The following RNF207 variants were observed in gnomAD, a reference collection of about 807,000 sequenced individuals.
RNF207 encodes the protein ring finger protein 207.
RNF207 carries 72 observed loss-of-function variants against 79.0 expected under a neutral mutation model. The ratio of observed to expected loss-of-function variants is 0.91; its 90% CI spans 0.75 to 1.11. RNF207 has a LOEUF of 1.11. Among genes scored for constraint, RNF207 ranks in the 50% least tolerant of loss-of-function variants. The probability of loss-of-function intolerance (pLI) is 0.00; values close to 1 mark genes in which losing one functional copy is unlikely to be tolerated. For missense variants in RNF207, 936 were observed against 855.8 expected (o/e 1.09, Z -1.17); for synonymous variants, 348 against 366.2 (o/e 0.95, Z 0.57).
In RNF207 at chr1:6,218,280, C is replaced by G. The variant is rs200057141; in HGVS notation, c.1653-9C>G. ...TCCCTTGAGATTCTGGTGCCCACTC[C>G]CTTGCCAGGTTTCAGGCACCCGTGG... is the stretch of plus-strand genomic sequence containing the variant. On this transcript the variant is annotated splice_polypyrimidine_tract_variant and intron_variant, in intron 16 of 17. Coordinates refer to ENST00000377939, the MANE Select transcript of RNF207 (RefSeq NM_207396.3). The G allele has an allele frequency of 1.2e-6, 2 of 1,610,822 alleles. No individual in the cohort carries two copies. The highest frequency in any genetic ancestry group is 1.3e-5 in the African/African-American group (1 of 74,988).
Position 6,212,428 on chromosome 1 carries a change from A to G in RNF207, c.1482+12A>G, listed in dbSNP as rs1668214710. 1 of 1,598,916 alleles carries G rather than the reference A, an allele frequency of 6.3e-7. No individual in the cohort carries two copies. The highest frequency in any genetic ancestry group is 1.3e-5 in the African/African-American group (1 of 74,588). Reference sequence around the variant, plus strand: ...TCGTCTTCCAGGAGGTAGCCCTCCCAAGGACTCTAACTCCAGCCCCACCTG... The same window carrying G: ...TCGTCTTCCAGGAGGTAGCCCTCCCGAGGACTCTAACTCCAGCCCCACCTG... On this transcript the variant is annotated intron_variant, in intron 14 of 17. Transcript: ENST00000377939.
rs1571207351 is a variant in RNF207 at position 6,212,036 on chromosome 1, T to C, written c.1279T>C (p.Tyr427His). The change falls in exon 13 of 18, where the codon TAT becomes CAT. Residue 427 changes from tyrosine to histidine, a missense_variant. Physicochemically the swap from Tyr to His is moderately conservative, Grantham distance 83 (BLOSUM62 2). Coordinates refer to ENST00000377939, the MANE Select transcript of RNF207 (RefSeq NM_207396.3). ...GCCCTTCGCAGAGCACTGCCGCCAC[T>C]ATGAGGACTCCTACCGGGTGAGGGG... Reference protein sequence around the residue: ...NTPFAEHCRHYEDSYRHLQAE... With the variant: ...NTPFAEHCRHHEDSYRHLQAE... The C allele has an allele frequency of 6.9e-6, 11 of 1,601,832 alleles. 1 individual carries two copies. Among genetic ancestry groups the C allele is most frequent in the Non-Finnish European group, 9.4e-6 (11 of 1,174,828 alleles).
At position 6,209,150 on chromosome 1, in the gene RNF207, G is replaced by T. The variant is rs1557584758; in HGVS notation, c.505G>T (p.Asp169Tyr). The part of the protein sequence containing the change: ...HAEPYLLFST[D>Y]KKLLLCIRCF... Reference sequence around the variant, plus strand: ...AGAGCCCTACCTCTTGTTCTCCACCGACAAGAAGTTGCTGTTGTGCATCCG... The same window carrying T: ...AGAGCCCTACCTCTTGTTCTCCACCTACAAGAAGTTGCTGTTGTGCATCCG... Residue 169 changes from aspartate to tyrosine, a missense_variant, in exon 5 of 18, where the codon GAC (aspartate) becomes TAC (tyrosine). Coordinates refer to ENST00000377939, the MANE Select transcript of RNF207 (RefSeq NM_207396.3). The T allele has an allele frequency of 1.3e-6, 2 of 1,558,206 alleles. No individual in the cohort carries two copies. Among genetic ancestry groups the T allele is most frequent in the East Asian group, 2.4e-5 (1 of 41,896 alleles).
chr1:6,212,811 C>T (rs994972309), intron 15 of RNF207, 78 bp downstream of exon 15: 16 of 1,217,254 alleles, frequency 1.3e-5, no homozygotes, highest in East Asian at 4.7e-5. Flanking sequence ...AAGTCAGAGT[C>T]GGCCACTAAC....
rs1441128099 is a variant in RNF207, at chr1:6,207,888, G to A, written c.324+377G>A. 5.0e-6 allele frequency: 2 copies of A among 402,004 alleles called. No individual in the cohort carries two copies. Among genetic ancestry groups the A allele is most frequent in the East Asian group, 6.3e-5 (1 of 15,936 alleles). The allele number at this position is 402,004 out of a possible 1,614,324, so 24.9% of individuals were successfully genotyped here. A position where few individuals can be genotyped will look rare whatever the true frequency, so the allele number is the denominator to read the frequency against. ...ATAGAAGCAGCTACAGCCCAGGGGA[G>A]GTGGGGACAGCATGCTGTTCCCTCT... On this transcript the variant is annotated intron_variant, in intron 3 of 17. Coordinates refer to ENST00000377939, the MANE Select transcript of RNF207 (RefSeq NM_207396.3). The surrounding 1 kb of genome is among the most constrained non-coding windows in gnomAD (Gnocchi z 4.5).
rs1557590423 is a variant in RNF207, at chr1:6,213,112, G to C, written c.1581G>C (p.Leu527=). The part of the protein sequence containing the change: ...LLQLRQENAY[L]TTITKQITPY... The stretch of plus-strand genomic sequence containing the variant: ...AGCTGAGGCAGGAGAATGCCTACCT[G>C]ACCACCATCACCAAGCAGATCACGC... Residue 527 remains leucine (L), a synonymous_variant, in exon 16 of 18, where the codon CTG becomes CTC. Transcript: ENST00000377939. 6.2e-7 allele frequency: 1 copy of C among 1,613,460 alleles called. No individual in the cohort carries two copies. Among genetic ancestry groups the C allele is most frequent in the Non-Finnish European group, 8.5e-7 (1 of 1,179,862 alleles).
rs913656073 is a variant in RNF207 at position 6,208,767 on chromosome 1, G to C, written c.325-114G>C. On this transcript the variant is annotated intron_variant, in intron 3 of 17. Coordinates refer to ENST00000377939, the MANE Select transcript of RNF207 (RefSeq NM_207396.3). Reference sequence around the variant, plus strand: ...GGATTACAGGAAAGGGCTGCGTTTAGCTGCGCACCCGGCCACGGCTGGGAC... The same window carrying C: ...GGATTACAGGAAAGGGCTGCGTTTACCTGCGCACCCGGCCACGGCTGGGAC... 1.2e-5 allele frequency: 14 copies of C among 1,122,766 alleles called. No homozygotes were observed. In the East Asian group the frequency reaches 3.5e-4, roughly 28 times the overall value. 69.6% of individuals were successfully genotyped at this position (1,122,766 alleles called of 1,614,324 possible).
Position 6,208,325 on chromosome 1 carries a change from A to AT in RNF207, c.325-545dup, listed in dbSNP as rs1251596022. On this transcript the variant is annotated intron_variant, in intron 3 of 17. Coordinates refer to ENST00000377939, the MANE Select transcript of RNF207 (RefSeq NM_207396.3). ...TTTTGTTGCAGGTAAAAAAAAAAAA[A>AT]TTTTTTTTTTTGAGACGGATTCTTG... The AT allele has an allele frequency of 2.7e-3, 395 of 148,142 alleles. 1 individual carries two copies. The highest frequency in any genetic ancestry group is 8.9e-3 in the African/African-American group (359 of 40,446). The allele number at this position is 148,142 out of a possible 1,614,324, so 9.2% of individuals were successfully genotyped here.
In RNF207 at chr1:6,210,954, G is replaced by T. The variant is rs781540971; in HGVS notation, c.1011+16G>T. The T allele has an allele frequency of 1.9e-6, 3 of 1,600,894 alleles. No homozygotes were observed. Among genetic ancestry groups the T allele is most frequent in the Non-Finnish European group, 2.6e-6 (3 of 1,174,178 alleles). On this transcript the variant is annotated intron_variant, in intron 11 of 17. Transcript: ENST00000377939. ...GAGCAGCAAGGTGTGCAGTGGCCTG[G>T]GTGGGCCAGGGTCGGGGGCCCTGCA...
At position 6,209,989 on chromosome 1, in the gene RNF207, G is replaced by A; in HGVS notation, c.800+19G>A. On this transcript the variant is annotated intron_variant, in intron 8 of 17. Transcript: ENST00000377939. ...TGCAGAGGTGAGTTGGGGGGAGCGG[G>A]GCTTGCTTCCCTTACCCCTTGGCCT... 6.4e-7 allele frequency: 1 copy of A among 1,569,562 alleles called. No individual in the cohort carries two copies. Among genetic ancestry groups the A allele is most frequent in the Non-Finnish European group, 8.6e-7 (1 of 1,157,176 alleles).
In RNF207 at chr1:6,210,392, C is replaced by G; in HGVS notation, c.896C>G (p.Ser299Cys). 9 of 1,613,818 alleles carry G rather than the reference C, an allele frequency of 5.6e-6. No homozygotes were observed. The highest frequency in any genetic ancestry group is 7.6e-6 in the Non-Finnish European group (9 of 1,179,922). ...CAGGTCCACCTGGTCATCTGCTCCT[C>G]CTTCCTCAGCTTGGCCAACAAGGCT... ...TLQVHLVICS[S>C]FLSLANKAEF... Residue 299 changes from serine to cysteine, a missense_variant, in exon 10 of 18, where the codon TCC becomes TGC. Physicochemically the swap from Ser to Cys is moderately radical, Grantham distance 112 (BLOSUM62 -1). Transcript: ENST00000377939.
chr1:6,206,786 C>G (rs1667923926), intron 2 of RNF207, 60 bp downstream of exon 2: 1 of 1,469,922 alleles, frequency 6.8e-7, no homozygotes, highest in East Asian at 2.3e-5. Context: ...CCAAGGTTGG[C>G]TCTGCCCGAG....
At chr1:6,206,856 C>G in intron 2 of RNF207, 130 bp downstream of exon 2, 1 of 705,706 alleles carries the variant, frequency 1.4e-6, no homozygotes, top group Non-Finnish European at 2.3e-6. Flanking sequence ...CTGGGAGATA[C>G]TGCACCCGGT....
At chr1:6,208,662 C>A (rs372164607) in intron 3 of RNF207, 5 of 550,014 alleles carry the variant, frequency 9.1e-6, no homozygotes, top group South Asian at 4.6e-5. Context: ...CCCCCACCCC[C>A]CTCCACGGAC....
In RNF207 at chr1:6,208,920, C is replaced by A. The variant is rs1476041853; in HGVS notation, c.364C>A (p.Pro122Thr). ...TTYFCNTCGQ[P>T]LCARCRDETH... ...GTACTTCTGCAACACGTGCGGACAG[C>A]CCCTATGCGCGCGCTGCCGCGACGA... The change falls in exon 4 of 18, where the codon CCC becomes ACC. Residue 122 changes from proline to threonine, a missense_variant. Pro to Thr is a conservative substitution (Grantham distance 38, BLOSUM62 -1). Coordinates refer to ENST00000377939, the MANE Select transcript of RNF207 (RefSeq NM_207396.3). The A allele has an allele frequency of 2.6e-6, 4 of 1,534,584 alleles. No homozygotes were observed. Among genetic ancestry groups the A allele is most frequent in the Non-Finnish European group, 3.5e-6 (4 of 1,145,536 alleles).
intron 1 of RNF207, 89 bp downstream of exon 1, chr1:6,206,391 T>C (rs929297546): frequency 6.0e-5 from 37 of 617,516 alleles, no homozygotes; most frequent in Non-Finnish European, 9.5e-5. Context: ...ACCTGGGCCC[T>C]AGCGGCTCCC....
intron 8 of RNF207, 118 bp downstream of exon 8, chr1:6,210,088 C>A: frequency 7.7e-7 from 1 of 1,298,260 alleles, no homozygotes; most frequent in Non-Finnish European, 1.1e-6. Flanking sequence ...GTCCTCCCAG[C>A]TAAGGAGGGC....
chr1:6,210,021 C>A (rs1234228639), intron 8 of RNF207, 51 bp downstream of exon 8: 4 of 1,526,618 alleles, frequency 2.6e-6, no homozygotes, highest in Non-Finnish European at 3.5e-6. Context: ...GCCTCCATGG[C>A]CTCAGCTCAG....
rs1348879813 is a variant in RNF207 at position 6,220,369 on chromosome 1, G to A, written c.*962G>A. ...CCCTGTGCTGGGCAGAGTGTGGTAT[G>A]TCAGGGTGTGCCGGTTTTAGGTAAC... is the stretch of plus-strand genomic sequence containing the variant. On this transcript the variant is annotated 3_prime_UTR_variant, in exon 18 of 18. Coordinates refer to ENST00000377939, the MANE Select transcript of RNF207 (RefSeq NM_207396.3). 1 of 152,248 alleles carries A rather than the reference G, an allele frequency of 6.6e-6. No individual in the cohort carries two copies. Among genetic ancestry groups the A allele is most frequent in the Non-Finnish European group, 1.5e-5 (1 of 68,054 alleles). 9.4% of individuals were successfully genotyped at this position (152,248 alleles called of 1,614,324 possible).
Sources: allele counts gnomAD v4.1 joint callset, GRCh38; gene constraint gnomAD v4.1.1; non-coding constraint Gnocchi (gnomAD v3.1); transcripts MANE v1.5; gene names NCBI Gene and HGNC (gene_info 2026-07-23, HGNC 2026-07-21).